The following BTBD8 variants were observed in gnomAD, a reference collection of about 807,000 sequenced individuals.
BTBD8 encodes BTB/POZ domain-containing protein 8.
Under a neutral mutation model 162.9 loss-of-function variants are expected in BTBD8, and 110 were observed. That is an observed-to-expected ratio of 0.68 (90% confidence interval 0.58 to 0.79). The LOEUF (loss-of-function observed/expected upper bound fraction) is 0.79, where lower values mean the gene tolerates loss of function less well. BTBD8 is among the 30% of genes least tolerant of loss of function. The pLI, the probability that BTBD8 is intolerant of heterozygous loss-of-function variation, is 0.00. For missense variants in BTBD8, 1,905 were observed against 2,085.4 expected (o/e 0.91, Z 1.68); for synonymous variants, 667 against 716.1 (o/e 0.93, Z 1.10).
At position 92,164,979 on chromosome 1, in the gene BTBD8, G is replaced by T. The variant is rs565279766; in HGVS notation, c.1123-1979G>T. On this transcript the variant is annotated intron_variant, in intron 9 of 17. Coordinates refer to ENST00000636805, the MANE Select transcript of BTBD8 (RefSeq NM_001376131.1). ...TACTTTTTTTAAAAAAAATTAGCTG[G>T]GTGTGGTAGCATGCACCTGTGGTTT... is the stretch of plus-strand genomic sequence containing the variant. 2.2e-4 allele frequency among the ~76,000 whole-genome samples: 33 copies of T among 151,820 alleles called. No individual in the cohort carries two copies. In the East Asian group the frequency reaches 5.7e-3, roughly 26 times the overall value.
At chr1:92,159,169 T>C (rs1235146218) in intron 9 of BTBD8, among the ~76,000 whole-genome samples, 1 of 150,574 alleles carries the variant, frequency 6.6e-6, no homozygotes, top group African/African-American at 2.5e-5. Flanking sequence ...TTTCTTTCTT[T>C]CTTTCTTTTT....
chr1:92,122,459 A>T (rs958688233), intron 4 of BTBD8, among the ~76,000 whole-genome samples: 1 of 152,036 alleles, frequency 6.6e-6, no homozygotes, highest in Non-Finnish European at 1.5e-5. Flanking sequence ...GGATTTCACC[A>T]TGTTGGCCAG....
In BTBD8 at chr1:92,102,721, C is replaced by A. The variant is rs761475504; in HGVS notation, c.544+52C>A. On this transcript the variant is annotated intron_variant, in intron 3 of 17. Transcript: ENST00000636805. ...TTATAGCCGTAAAAATAATTATATTCTGATACAGTTAGAGAAAAGCATACT... is the reference window on the plus strand; with the variant it reads ...TTATAGCCGTAAAAATAATTATATTATGATACAGTTAGAGAAAAGCATACT... 5.3e-6 allele frequency: 7 copies of A among 1,330,246 alleles called. No homozygotes were observed. The South Asian group carries it at 1.4e-4, about 26-fold the overall frequency. The allele number at this position is 1,330,246 out of a possible 1,614,324, so 82.4% of individuals were successfully genotyped here. A position where few individuals can be genotyped will look rare whatever the true frequency, so the allele number is the denominator to read the frequency against.
chr1:92,116,002 C>T (rs898617436), intron 4 of BTBD8, among the ~76,000 whole-genome samples: 1 of 152,014 alleles, frequency 6.6e-6, no homozygotes, highest in Non-Finnish European at 1.5e-5. Context: ...CTAAACATTT[C>T]CTAAGCACTG....
chr1:92,171,670 C>T lies in BTBD8; in HGVS notation c.1635+210C>T, dbSNP rs149438806. ...ATCCAGTTGGCACTGGAAGTATCTACCTTTTTCATTTCCTTGAAAACCTTT... is the reference window on the plus strand; with the variant it reads ...ATCCAGTTGGCACTGGAAGTATCTATCTTTTTCATTTCCTTGAAAACCTTT... On this transcript the variant is annotated intron_variant, in intron 13 of 17. Transcript: ENST00000636805. 1.7e-3 allele frequency among the ~76,000 whole-genome samples: 266 copies of T among 152,302 alleles called. 3 individuals carry two copies. The highest frequency in any genetic ancestry group is 5.8e-3 in the African/African-American group (243 of 41,562).
At chr1:92,146,622 C>G (rs1649928338) in intron 7 of BTBD8, among the ~76,000 whole-genome samples, 1 of 152,150 alleles carries the variant, frequency 6.6e-6, no homozygotes, top group Non-Finnish European at 1.5e-5. Context: ...CTTTCCCTCC[C>G]CATTAACCCC....
At chr1:92,134,550 G>T (rs139795773) in intron 5 of BTBD8, among the ~76,000 whole-genome samples, 93 of 152,168 alleles carry the variant, frequency 6.1e-4, no homozygotes, top group Admixed American at 1.4e-3. Context: ...CTCAGATCAA[G>T]CATCACCTTC....
chr1:92,102,633 G>A lies in BTBD8; in HGVS notation c.508G>A (p.Asp170Asn). ...CSLQKHEIPE[D>N]ISDRDDDFIS... Reference sequence around the variant, plus strand: ...TCTTCAGAAGCATGAAATTCCAGAGGATATCAGTGACAGAGATGATGATTT... The same window carrying A: ...TCTTCAGAAGCATGAAATTCCAGAGAATATCAGTGACAGAGATGATGATTT... Residue 170 changes from aspartate (D) to asparagine (N), a missense_variant, in exon 3 of 18, where the codon GAT becomes AAT. By Grantham distance (23) the Asp-to-Asn change is conservative. Transcript: ENST00000636805. 6.6e-7 allele frequency: 1 copy of A among 1,520,248 alleles called. No individual in the cohort carries two copies. Among genetic ancestry groups the A allele is most frequent in the Admixed American group, 2.1e-5 (1 of 47,010 alleles). 94.2% of individuals were successfully genotyped at this position (1,520,248 alleles called of 1,614,324 possible).
At chr1:92,124,506 A>G (rs538056757) in intron 4 of BTBD8, among the ~76,000 whole-genome samples, 4 of 152,362 alleles carry the variant, frequency 2.6e-5, no homozygotes, top group Admixed American at 2.0e-4. Context: ...GAGGCTAGCC[A>G]GGAGTTTGAG....
At chr1:92,142,901 AG>A (rs1286082372) in intron 7 of BTBD8, among the ~76,000 whole-genome samples, 1 of 152,192 alleles carries the variant, frequency 6.6e-6, no homozygotes, top group Non-Finnish European at 1.5e-5. Flanking sequence ...AGGTGACCAG[AG>A]CCATTTATAG....
chr1:92,146,944 T>C (rs962672590), intron 7 of BTBD8, among the ~76,000 whole-genome samples: 6 of 152,142 alleles, frequency 3.9e-5, no homozygotes, highest in African/African-American at 1.4e-4. Context: ...TGTAGAAAGG[T>C]GTTTTTAAGG....
At chr1:92,127,761 A>G (rs966853298) in intron 4 of BTBD8, among the ~76,000 whole-genome samples, 61 of 152,192 alleles carry the variant, frequency 4.0e-4, no homozygotes, top group African/African-American at 1.3e-3. Context: ...GGCTTTTACC[A>G]TGTTGGCCAG....
At chr1:92,136,367 A>G (rs377027958) in intron 5 of BTBD8, among the ~76,000 whole-genome samples, 1 of 150,326 alleles carries the variant, frequency 6.7e-6, no homozygotes, top group African/African-American at 2.4e-5. Flanking sequence ...CTTTTTATGA[A>G]CCTGCCATTG....
At chr1:92,118,799 CTTTCT>C (rs1553122677) in intron 4 of BTBD8, among the ~76,000 whole-genome samples, 1 of 70,476 alleles carries the variant, frequency 1.4e-5, no homozygotes, top group African/African-American at 7.0e-5. Flanking sequence ...GCTTTTCTTT[CTTTCT>C]TTTTTTTTTT....
intron 5 of BTBD8, among the ~76,000 whole-genome samples, chr1:92,135,093 G>T (rs1235562620): frequency 1.3e-5 from 2 of 151,920 alleles, no homozygotes; most frequent in African/African-American, 4.8e-5. Flanking sequence ...GTTTCTCCAT[G>T]TTGATCAGGC....
chr1:92,118,706 C>A (rs1649108583), intron 4 of BTBD8, among the ~76,000 whole-genome samples: 1 of 151,700 alleles, frequency 6.6e-6, no homozygotes, highest in Non-Finnish European at 1.5e-5. Context: ...ACCTCTTCTC[C>A]TCTACATATT....
chr1:92,086,792 T>C (rs1648173245), intron 1 of BTBD8, among the ~76,000 whole-genome samples: 1 of 152,226 alleles, frequency 6.6e-6, no homozygotes, highest in South Asian at 2.1e-4. Context: ...TCTATCCTTC[T>C]ACATGTGATG....
intron 2 of BTBD8, among the ~76,000 whole-genome samples, chr1:92,099,830 A>T (rs1198681509): frequency 3.9e-5 from 6 of 152,128 alleles, no homozygotes; most frequent in Non-Finnish European, 8.8e-5. Flanking sequence ...AGCTTTACTT[A>T]TTTCTTTACC....
intron 4 of BTBD8, among the ~76,000 whole-genome samples, chr1:92,114,319 T>C (rs1648979525): frequency 6.6e-6 from 1 of 152,042 alleles, no homozygotes; most frequent in African/African-American, 2.4e-5. Context: ...TGGTTATTTC[T>C]AGGTCATGGA....
Sources: gnomAD v4.1 joint callset for allele counts (sites outside exome capture counted in the v4.1 genomes callset) on GRCh38, gnomAD v4.1.1 for gene constraint, MANE v1.5 for transcripts, NCBI Gene and HGNC (gene_info 2026-07-23, HGNC 2026-07-21) for gene names.